The following EGFLAM variants were observed in gnomAD, a reference collection of about 807,000 sequenced individuals.
The protein encoded by EGFLAM is pikachurin.
EGFLAM carries 79 observed loss-of-function variants against 113.1 expected under a neutral mutation model. That is an observed-to-expected ratio of 0.70 (90% CI 0.58 to 0.84). The LOEUF is 0.84. EGFLAM is among the 40% of genes least tolerant of loss of function. EGFLAM has a pLI of 0.00. For synonymous variants in EGFLAM, 504 were observed against 487.6 expected, an observed-to-expected ratio of 1.03 and a Z score of -0.44; for missense variants, 1,265 against 1,291.6, an observed-to-expected ratio of 0.98 and a Z score of 0.32.
At position 38,463,977 on chromosome 5, in the gene EGFLAM, A is replaced by G; in HGVS notation, c.3021A>G (p.Gly1007=). The G allele has an allele frequency of 6.2e-7, 1 of 1,614,226 alleles. No individual in the cohort carries two copies. The highest frequency in any genetic ancestry group is 8.5e-7 in the Non-Finnish European group (1 of 1,180,044). ...ATGGGAAAAACATCAACACTTGTGG[A>G]GCCAAGTAACACCAGCTGGCCTTGT... The part of the protein sequence containing the change: ...AVDGKNINTC[G]AK The change falls in exon 22 of 22, where the codon GGA becomes GGG. Residue 1007 remains glycine, a synonymous_variant. Coordinates refer to ENST00000322350, the MANE Select transcript of EGFLAM (RefSeq NM_152403.4).
At chr5:38,313,091 C>T (rs1561273935) in intron 1 of EGFLAM, among the ~76,000 whole-genome samples, 2 of 150,914 alleles carry the variant, frequency 1.3e-5, no homozygotes, top group African/African-American at 4.9e-5. Context: ...GACTCTGTCT[C>T]AAAAAAAATA....
At chr5:38,276,869 A>G (rs1180598289) in intron 1 of EGFLAM, among the ~76,000 whole-genome samples, 1 of 152,200 alleles carries the variant, frequency 6.6e-6, no homozygotes, top group Non-Finnish European at 1.5e-5. Flanking sequence ...TTATGAAGAA[A>G]TAGAAAATCT....
chr5:38,343,406 C>CAA lies in EGFLAM; in HGVS notation c.291+4644_291+4645dup, dbSNP rs61453202. 1.9e-3 allele frequency among the ~76,000 whole-genome samples: 250 copies of CAA among 130,904 alleles called. 1 individual carries two copies. The highest frequency in any genetic ancestry group is 4.1e-3 in the Middle Eastern group (1 of 246). 85.9% of individuals were successfully genotyped at this position (130,904 alleles called of 152,430 possible). ...GGGCAACAAGAGTGAAACTCCATCT[C>CAA]AAAAAAAAAAAAAAAAAAAATGAGG... is the stretch of plus-strand genomic sequence containing the variant. On this transcript the variant is annotated intron_variant, in intron 3 of 21. Coordinates refer to ENST00000322350, the MANE Select transcript of EGFLAM (RefSeq NM_152403.4).
chr5:38,337,666 T>C (rs774201319), intron 2 of EGFLAM, 37 bp downstream of exon 2: 1 of 1,528,220 alleles, frequency 6.5e-7, no homozygotes, highest in Non-Finnish European at 8.9e-7. Flanking sequence ...TCGGTGGGTG[T>C]GTCGTGTGAC....
intron 6 of EGFLAM, among the ~76,000 whole-genome samples, chr5:38,392,628 T>TGG (rs1017963877): frequency 5.7e-4 from 83 of 145,834 alleles, no homozygotes; most frequent in African/African-American, 2.2e-3. Flanking sequence ...TTCTTTTTTT[T>TGG]TGGGGGGGCG....
At chr5:38,318,793 C>T (rs1460354273) in intron 1 of EGFLAM, among the ~76,000 whole-genome samples, 2 of 152,086 alleles carry the variant, frequency 1.3e-5, no homozygotes, top group African/African-American at 4.8e-5. Flanking sequence ...CATGAGCCAC[C>T]ATGCTTGCCC....
At chr5:38,449,417 T>C (rs1277733136) in intron 18 of EGFLAM, among the ~76,000 whole-genome samples, 1 of 152,180 alleles carries the variant, frequency 6.6e-6, no homozygotes. Flanking sequence ...GCATGGGGAC[T>C]TAGGTAAAAT....
At position 38,463,025 on chromosome 5, in the gene EGFLAM, C is replaced by A. The variant is rs1308874821; in HGVS notation, c.2875+14C>A. On this transcript the variant is annotated intron_variant, in intron 21 of 21. Transcript: ENST00000322350. The stretch of plus-strand genomic sequence containing the variant: ...CTCTGTATGTGGGTAAGTGACCGAC[C>A]CTCGACCAAAGCAAAATTAGGCCAG... 6 of 1,606,870 alleles carry A rather than the reference C, an allele frequency of 3.7e-6. No individual in the cohort carries two copies. Among genetic ancestry groups the A allele is most frequent in the Non-Finnish European group, 5.1e-6 (6 of 1,174,890 alleles).
chr5:38,416,312 G>A (rs1405641573), intron 11 of EGFLAM, among the ~76,000 whole-genome samples: 1 of 152,198 alleles, frequency 6.6e-6, no homozygotes, highest in Non-Finnish European at 1.5e-5. Flanking sequence ...TAAGAGAGAG[G>A]AGACGGACAG....
intron 12 of EGFLAM, among the ~76,000 whole-genome samples, chr5:38,420,843 A>G (rs1167147995): frequency 1.3e-5 from 2 of 152,196 alleles, no homozygotes; most frequent in East Asian, 3.9e-4. Flanking sequence ...AGGTGGCACC[A>G]AAAGGACCTC....
intron 16 of EGFLAM, among the ~76,000 whole-genome samples, chr5:38,437,518 T>G (rs1228663372): frequency 6.6e-6 from 1 of 152,158 alleles, no homozygotes; most frequent in African/African-American, 2.4e-5. Flanking sequence ...TACCAGTGTC[T>G]CCCAGCCTGG....
intron 3 of EGFLAM, among the ~76,000 whole-genome samples, chr5:38,344,156 C>A (rs1207876009): frequency 1.3e-5 from 2 of 152,208 alleles, no homozygotes; most frequent in African/African-American, 2.4e-5. Flanking sequence ...AACAATTCAA[C>A]ATGATTTTGT....
At chr5:38,383,182 T>G (rs1161358881) in intron 6 of EGFLAM, among the ~76,000 whole-genome samples, 1 of 150,284 alleles carries the variant, frequency 6.7e-6, no homozygotes, top group South Asian at 2.4e-4. Flanking sequence ...TAATTTTAGA[T>G]TTTTTTCTGG....
intron 1 of EGFLAM, among the ~76,000 whole-genome samples, chr5:38,297,108 T>C (rs1484971563): frequency 1.3e-5 from 2 of 152,168 alleles, no homozygotes; most frequent in Non-Finnish European, 2.9e-5. Flanking sequence ...GAGATCCTGA[T>C]TGGATCCTGA....
intron 1 of EGFLAM, among the ~76,000 whole-genome samples, chr5:38,267,717 G>A (rs897266709): frequency 2.0e-5 from 3 of 152,170 alleles, no homozygotes; most frequent in African/African-American, 7.2e-5. Flanking sequence ...ATTGTGCCAT[G>A]CCAGTGGTTA....
At chr5:38,327,025 T>C (rs1738904756) in intron 1 of EGFLAM, among the ~76,000 whole-genome samples, 1 of 151,448 alleles carries the variant, frequency 6.6e-6, no homozygotes, top group African/African-American at 2.4e-5. Context: ...TTCAAACCCC[T>C]GACCTCAGGT....
chr5:38,275,547 C>T (rs1757865278), intron 1 of EGFLAM, among the ~76,000 whole-genome samples: 1 of 152,138 alleles, frequency 6.6e-6, no homozygotes, highest in African/African-American at 2.4e-5. Context: ...GTATACCCAA[C>T]ATCAGAGTAC....
At chr5:38,394,003 A>T (rs1740886066) in intron 6 of EGFLAM, among the ~76,000 whole-genome samples, 1 of 152,086 alleles carries the variant, frequency 6.6e-6, no homozygotes, top group South Asian at 2.1e-4. Flanking sequence ...TGGGAAGGTG[A>T]TCTTTCCCTG....
At chr5:38,383,183 T>C (rs904964494) in intron 6 of EGFLAM, among the ~76,000 whole-genome samples, 1 of 152,186 alleles carries the variant, frequency 6.6e-6, no homozygotes, top group Non-Finnish European at 1.5e-5. Context: ...AATTTTAGAT[T>C]TTTTTCTGGT....
Sources: gnomAD v4.1 joint callset for allele counts (sites outside exome capture counted in the v4.1 genomes callset) on GRCh38, gnomAD v4.1.1 for gene constraint, MANE v1.5 for transcripts, NCBI Gene and HGNC (gene_info 2026-07-23, HGNC 2026-07-21) for gene names.